Variants in NTM observed in about 807,000 individuals in gnomAD.
NTM encodes the protein neurotrimin, also known as IgLON family member 2.
NTM carries 13 observed loss-of-function variants against 42.1 expected under a neutral mutation model. The ratio of observed to expected loss-of-function variants is 0.31; its 90% confidence interval spans 0.20 to 0.49. The LOEUF (loss-of-function observed/expected upper bound fraction) is 0.49. NTM is among the 20% of genes least tolerant of loss of function. The pLI, the probability that NTM is intolerant of heterozygous loss-of-function variation, is 0.99. For missense variants in NTM, 373 were observed against 452.8 expected (o/e 0.82, Z 1.60); for synonymous variants, 187 against 179.2 (o/e 1.04, Z -0.35).
chr11:131,724,402 C>T (rs566048509), intron 1 of NTM, among the ~76,000 whole-genome samples: 1 of 152,270 alleles, frequency 6.6e-6, no homozygotes, highest in Admixed American at 6.5e-5. Flanking sequence ...GAGAAGACAA[C>T]TCAAGCGTGC....
At position 131,557,836 on chromosome 11, in the gene NTM, T is replaced by C. The variant is rs181454332; in HGVS notation, c.82+186948T>C. On this transcript the variant is annotated intron_variant, in intron 1 of 8. Coordinates refer to ENST00000683400, the MANE Select transcript of NTM (RefSeq NM_001352005.2). ...GAAAATGGGCAATGTCAGCTTACAA[T>C]TGGAATATCAAAAGAACTAAGCTCC... is the stretch of plus-strand genomic sequence containing the variant. 5.3e-5 allele frequency among the ~76,000 whole-genome samples: 8 copies of C among 152,178 alleles called. No individual in the cohort carries two copies. In the South Asian group the frequency reaches 6.2e-4, roughly 12 times the overall value.
intron 1 of NTM, among the ~76,000 whole-genome samples, chr11:131,451,964 G>A (rs1950520936): frequency 6.6e-6 from 1 of 152,266 alleles, no homozygotes; most frequent in South Asian, 2.1e-4. Context: ...AGAACAGCCG[G>A]CAAAGCCTGA....
chr11:131,809,837 A>G (rs760560038), intron 1 of NTM, among the ~76,000 whole-genome samples: 3 of 152,150 alleles, frequency 2.0e-5, no homozygotes, highest in Non-Finnish European at 4.4e-5. Context: ...TAGGTGAGCT[A>G]TTGGGCTCTG....
At chr11:131,815,133 C>T (rs1386505866) in intron 1 of NTM, among the ~76,000 whole-genome samples, 1 of 152,200 alleles carries the variant, frequency 6.6e-6, no homozygotes, top group East Asian at 1.9e-4. Context: ...AACTCCTCCG[C>T]TTGGCTTAGA....
At chr11:131,596,035 A>G (rs1398901330) in intron 1 of NTM, among the ~76,000 whole-genome samples, 2 of 152,212 alleles carry the variant, frequency 1.3e-5, no homozygotes, top group East Asian at 1.9e-4. Context: ...GTCCTCATCA[A>G]CATTTGCTAA....
intron 2 of NTM, among the ~76,000 whole-genome samples, chr11:131,972,439 A>G (rs1017654060): frequency 6.6e-6 from 1 of 152,160 alleles, no homozygotes; most frequent in Non-Finnish European, 1.5e-5. Context: ...CATTTAGGTA[A>G]TTAAGATGAA....
chr11:132,288,487 A>T (rs1378303728), intron 4 of NTM, among the ~76,000 whole-genome samples: 2 of 152,256 alleles, frequency 1.3e-5, no homozygotes, highest in Non-Finnish European at 2.9e-5. Flanking sequence ...GTTTTAATGC[A>T]TACATCAATT....
chr11:131,778,315 C>CA (rs2087432351), intron 1 of NTM, among the ~76,000 whole-genome samples: 1 of 152,200 alleles, frequency 6.6e-6, no homozygotes, highest in African/African-American at 2.4e-5. Flanking sequence ...GATAAGCTTC[C>CA]AGTCTTAATT....
intron 2 of NTM, among the ~76,000 whole-genome samples, chr11:131,957,968 A>G (rs2061732628): frequency 6.6e-6 from 1 of 152,102 alleles, no homozygotes; most frequent in South Asian, 2.1e-4. Context: ...GTAGGAATGG[A>G]AGCAGAAGAA....
At chr11:131,723,753 C>T (rs1195875499) in intron 1 of NTM, among the ~76,000 whole-genome samples, 13 of 152,102 alleles carry the variant, frequency 8.5e-5, no homozygotes, top group Admixed American at 2.6e-4. Context: ...CTTGTTTGCC[C>T]TCCCCTAATA....
rs75260851 is a variant in NTM, at chr11:132,067,477, C to G, written c.168-78805C>G. 2.4e-3 allele frequency among the ~76,000 whole-genome samples: 367 copies of G among 152,296 alleles called. 1 individual carries two copies. Among genetic ancestry groups the G allele is most frequent in the Non-Finnish European group, 4.3e-3 (291 of 68,026 alleles). On this transcript the variant is annotated intron_variant, in intron 2 of 8. Coordinates refer to ENST00000683400, the MANE Select transcript of NTM (RefSeq NM_001352005.2). ...GTATGGGTGGTACTATGGATATGAT[C>G]CACCCCAAGGTAAAGTTTCTGTTCA...
intron 1 of NTM, among the ~76,000 whole-genome samples, chr11:131,762,406 C>G (rs914923544): frequency 3.3e-5 from 5 of 152,214 alleles, no homozygotes; most frequent in Admixed American, 6.5e-5. Context: ...GACAAAATGA[C>G]GACAGAGGGT....
intron 2 of NTM, among the ~76,000 whole-genome samples, chr11:131,976,113 C>CTCCTTCCTTCCTTCCTTCCT (rs1329274388): frequency 3.3e-4 from 22 of 67,250 alleles, no homozygotes; most frequent in African/African-American, 9.5e-4. Context: ...CCCTCCCTCC[C>CTCCTTCCTTCCTTCCTTCCT]TCATTCCTTC....
At chr11:132,326,055 A>T (rs1219734795) in intron 7 of NTM, among the ~76,000 whole-genome samples, 11 of 152,124 alleles carry the variant, frequency 7.2e-5, no homozygotes. Context: ...ATTAGGATAT[A>T]TACCTAATGC....
intron 2 of NTM, among the ~76,000 whole-genome samples, chr11:132,001,886 G>GGAT (rs1357302845): frequency 1.7e-4 from 26 of 152,194 alleles, no homozygotes; most frequent in Admixed American, 1.7e-3. Flanking sequence ...AAACAATGAT[G>GGAT]GATGTAGAGG....
intron 1 of NTM, among the ~76,000 whole-genome samples, chr11:131,415,962 G>A (rs1946902242): frequency 1.3e-5 from 2 of 152,132 alleles, no homozygotes; most frequent in Admixed American, 6.5e-5. Flanking sequence ...TTGGGACTAA[G>A]GTTGTCAGAC....
intron 1 of NTM, among the ~76,000 whole-genome samples, chr11:131,414,250 A>G (rs1407449400): frequency 1.3e-5 from 2 of 152,158 alleles, no homozygotes; most frequent in African/African-American, 4.8e-5. Context: ...AAGCAAACCC[A>G]TGTCCTGGGG....
Position 131,598,809 on chromosome 11 carries a change from TTCTTC to T in NTM, c.82+227923_82+227927del, listed in dbSNP as rs1275382465. Among the ~76,000 whole-genome samples, 63 of 69,668 alleles carry T rather than the reference TTCTTC, an allele frequency of 9.0e-4. 8 individuals carry two copies. Among genetic ancestry groups the T allele is most frequent in the African/African-American group, 2.7e-3 (63 of 23,530 alleles). The allele number at this position is 69,668 out of a possible 152,430, so 45.7% of individuals were successfully genotyped here. On this transcript the variant is annotated intron_variant, in intron 1 of 8. Coordinates refer to ENST00000683400, the MANE Select transcript of NTM (RefSeq NM_001352005.2). ...TCTTTCTTTCTTTCTTTTTCTTTCTTTCTTCTTTCTTTCTTTCTTCTTTCTTTCTT... is the reference window on the plus strand; with the variant it reads ...TCTTTCTTTCTTTCTTTTTCTTTCTTTTTCTTTCTTTCTTCTTTCTTTCTT...
chr11:131,608,599 C>T (rs891443513), intron 1 of NTM, among the ~76,000 whole-genome samples: 5 of 152,054 alleles, frequency 3.3e-5, no homozygotes, highest in African/African-American at 1.2e-4. Flanking sequence ...TGCATGAAGC[C>T]ACGGCCCTCG....
Sources: gnomAD v4.1 joint callset for allele counts (sites outside exome capture counted in the v4.1 genomes callset) on GRCh38, gnomAD v4.1.1 for gene constraint, MANE v1.5 for transcripts, NCBI Gene and HGNC (gene_info 2026-07-23, HGNC 2026-07-21) for gene names.